RBFOX3: variants seen among roughly 807,000 people sequenced by gnomAD.
The protein encoded by RBFOX3 is RNA binding protein fox-1 homolog 3.
In RBFOX3, 17 loss-of-function variants were observed where a neutral mutation model predicts 48.7. That is an observed-to-expected ratio of 0.35 (90% CI 0.24 to 0.52). The LOEUF (loss-of-function observed/expected upper bound fraction) is 0.52, where lower values mean the gene tolerates loss of function less well. RBFOX3 is among the 20% of genes least tolerant of loss of function. RBFOX3 has a pLI of 0.94. For synonymous variants in RBFOX3, 212 were observed against 209.5 expected (o/e 1.01, Z -0.10); for missense variants, 382 against 497.5 (o/e 0.77, Z 2.21).
chr17:79,376,612 C>G (rs1417454786), intron 2 of RBFOX3, among the ~76,000 whole-genome samples: 1 of 152,198 alleles, frequency 6.6e-6, no homozygotes, highest in Non-Finnish European at 1.5e-5. Context: ...CCGGCCCAGC[C>G]CACTGCGTGT....
In RBFOX3 at chr17:79,097,404, T is replaced by C. The variant is rs2146313598; in HGVS notation, c.643A>G (p.Thr215Ala). ...CGGTAGGCAACGGCTGTGCCGGTGG[T>C]GGGGTAGGGGAACCCCGTCACTGCA... is the stretch of plus-strand genomic sequence containing the variant. ...FYAVTGFPYPTTGTAVAYRGA... is the reference protein window; with the variant it reads ...FYAVTGFPYPATGTAVAYRGA... Residue 215 changes from threonine to alanine, a missense_variant, in exon 11 of 15, where the codon ACC becomes GCC. Around this residue, in one of 3 missense-constraint regions of RBFOX3, gnomAD observed 215 missense variants for 254.8 expected, o/e 0.84. Transcript: ENST00000693108. 6.5e-7 allele frequency: 1 copy of C among 1,547,162 alleles called. No individual in the cohort carries two copies. Among genetic ancestry groups the C allele is most frequent in the Non-Finnish European group, 8.7e-7 (1 of 1,145,692 alleles).
At chr17:79,579,760 G>A (rs2092988038) in intron 1 of RBFOX3, among the ~76,000 whole-genome samples, 1 of 147,178 alleles carries the variant, frequency 6.8e-6, no homozygotes, top group East Asian at 2.1e-4. Context: ...GCGCCGTGGT[G>A]GGGGTGTCAC....
chr17:79,589,305 T>A (rs2093351108), intron 1 of RBFOX3, among the ~76,000 whole-genome samples: 1 of 7,572 alleles, frequency 1.3e-4, no homozygotes. Flanking sequence ...AGGGCTCTCC[T>A]TGGCTTTAGG....
chr17:79,095,712 C>A, intron 12 of RBFOX3, 138 bp from the exon 13 acceptor site: 2 of 723,132 alleles, frequency 2.8e-6, no homozygotes, highest in Non-Finnish European at 4.6e-6. Flanking sequence ...CTCCCAGCCT[C>A]GGCTGGGTAA....
Position 79,218,731 on chromosome 17 carries a change from A to C in RBFOX3, c.-34+17035T>G, listed in dbSNP as rs930447213. On this transcript the variant is annotated intron_variant, in intron 4 of 14. Coordinates refer to ENST00000693108, the MANE Select transcript of RBFOX3 (RefSeq NM_001350451.2). Reference sequence around the variant, plus strand: ...CAGGCTCAGGGAATGTCTTTGGGGAAGTGGTCGCTGAGGCTGGCCTTGAAG... The same window carrying C: ...CAGGCTCAGGGAATGTCTTTGGGGACGTGGTCGCTGAGGCTGGCCTTGAAG... Among the ~76,000 whole-genome samples the C allele has an allele frequency of 5.1e-4, 78 of 152,138 alleles. 1 individual carries two copies. The highest frequency in any genetic ancestry group is 1.5e-4 in the Non-Finnish European group (10 of 68,000).
chr17:79,253,377 GA>G (rs1249664000), intron 3 of RBFOX3, among the ~76,000 whole-genome samples: 7 of 152,106 alleles, frequency 4.6e-5, no homozygotes, highest in African/African-American at 1.7e-4. Context: ...CCGCCCAGAT[GA>G]AAAAAACCTC....
chr17:79,320,042 G>A (rs1414216764), intron 2 of RBFOX3, among the ~76,000 whole-genome samples: 1 of 152,164 alleles, frequency 6.6e-6, no homozygotes, highest in Non-Finnish European at 1.5e-5. Context: ...TCTATGTCTG[G>A]GCTGTTGGTC....
chr17:79,491,370 G>C (rs1476368622), intron 1 of RBFOX3, among the ~76,000 whole-genome samples: 1 of 151,992 alleles, frequency 6.6e-6, no homozygotes, highest in Non-Finnish European at 1.5e-5. Flanking sequence ...AGCCATTTGA[G>C]GAATTTTAAG....
At chr17:79,410,827 C>G (rs199569608) in intron 2 of RBFOX3, among the ~76,000 whole-genome samples, 6 of 152,148 alleles carry the variant, frequency 3.9e-5, no homozygotes, top group Non-Finnish European at 8.8e-5. Context: ...CAGGCTGCTC[C>G]GCTTGACTGC....
intron 1 of RBFOX3, among the ~76,000 whole-genome samples, chr17:79,515,245 C>A (rs1450025947): frequency 6.6e-6 from 1 of 152,202 alleles, no homozygotes; most frequent in Non-Finnish European, 1.5e-5. Flanking sequence ...CTGTGGCAAG[C>A]CTCCCACTGC....
chr17:79,511,217 G>T (rs1260843576), intron 1 of RBFOX3, among the ~76,000 whole-genome samples: 4 of 152,208 alleles, frequency 2.6e-5, no homozygotes, highest in Non-Finnish European at 5.9e-5. Context: ...CTCTCCCTGG[G>T]CCAGGAGGTG....
In RBFOX3 at chr17:79,252,325, C is replaced by T. The variant is rs1395129486; in HGVS notation, c.-73-16520G>A. Among the ~76,000 whole-genome samples the T allele has an allele frequency of 6.6e-6, 1 of 152,174 alleles. No homozygotes were observed. The highest frequency in any genetic ancestry group is 6.5e-5 in the Admixed American group (1 of 15,280). On this transcript the variant is annotated intron_variant, in intron 3 of 14. Coordinates refer to ENST00000693108, the MANE Select transcript of RBFOX3 (RefSeq NM_001350451.2). This position sits in a 1 kb window ranked among gnomAD's most constrained non-coding sequence, Gnocchi z 4.0. ...CTTGATGTCTCCCAGACTGCTCTGT[C>T]CCACATGGCTGAGGCTCAGGGTCTT...
chr17:79,555,581 T>A (rs1475615388), intron 1 of RBFOX3, among the ~76,000 whole-genome samples: 26 of 152,100 alleles, frequency 1.7e-4, no homozygotes, highest in African/African-American at 5.8e-4. Context: ...GTAGTGATGA[T>A]GATGATGACA....
rs201222706 is a variant in RBFOX3, at chr17:79,094,390, C to CA, written c.1077+60dup. ...GGCTCGGCCTCTCCCCCAAGGGCCT[C>CA]ACCACCCATGCCCAGCTGTTAGGAC... On this transcript the variant is annotated intron_variant, in intron 14 of 14. Transcript: ENST00000693108. 8,812 of 1,297,068 alleles carry CA rather than the reference C, an allele frequency of 6.8e-3. 50 individuals are homozygous for CA. Among genetic ancestry groups the CA allele is most frequent in the Non-Finnish European group, 6.7e-3 (6,459 of 961,506 alleles). 80.3% of individuals were successfully genotyped at this position (1,297,068 alleles called of 1,614,324 possible). A position where few individuals can be genotyped will look rare whatever the true frequency, so the allele number is the denominator to read the frequency against.
chr17:79,116,951 T>C (rs560300022), intron 4 of RBFOX3, among the ~76,000 whole-genome samples: 1 of 152,300 alleles, frequency 6.6e-6, no homozygotes, highest in East Asian at 1.9e-4. Flanking sequence ...CCTCCAGCAA[T>C]CTGCGTGCAC....
chr17:79,328,151 A>G (rs1057463036), intron 2 of RBFOX3, among the ~76,000 whole-genome samples: 7 of 152,196 alleles, frequency 4.6e-5, no homozygotes, highest in Non-Finnish European at 7.3e-5. Flanking sequence ...GGGTGCAAAC[A>G]CGGGCAGGAC....
At chr17:79,206,131 G>A (rs1483404721) in intron 4 of RBFOX3, among the ~76,000 whole-genome samples, 1 of 152,132 alleles carries the variant, frequency 6.6e-6, no homozygotes, top group Non-Finnish European at 1.5e-5. Context: ...AGCTTGCCAC[G>A]TCAATGAAAT....
At chr17:79,606,883 G>GA (rs1415268842) in intron 1 of RBFOX3, among the ~76,000 whole-genome samples, 6,099 of 152,160 alleles carry the variant, frequency 0.04, 192 homozygotes, top group East Asian at 0.21. Context: ...AGCACAGGAG[G>GA]AAAAAAGAGT....
At position 79,421,858 on chromosome 17, in the gene RBFOX3, C is replaced by T. The variant is rs1555722573; in HGVS notation, c.-175+60596G>A. ...TGCCGGAAGGCCCCGTGAGGGTGGCCCACGAGGCTCATGGGTTCCAGGAAC... is the reference window on the plus strand; with the variant it reads ...TGCCGGAAGGCCCCGTGAGGGTGGCTCACGAGGCTCATGGGTTCCAGGAAC... On this transcript the variant is annotated intron_variant, in intron 2 of 14. Transcript: ENST00000693108. This position sits in a 1 kb window ranked among gnomAD's most constrained non-coding sequence, Gnocchi z 4.5. Among the ~76,000 whole-genome samples, 1 of 152,028 alleles carries T rather than the reference C, an allele frequency of 6.6e-6. No homozygotes were observed. The highest frequency in any genetic ancestry group is 1.5e-5 in the Non-Finnish European group (1 of 68,000).
Sources: allele counts gnomAD v4.1 joint callset (sites outside exome capture counted in the v4.1 genomes callset), GRCh38; gene constraint gnomAD v4.1.1; regional missense constraint gnomAD v4.1.1; non-coding constraint Gnocchi (gnomAD v3.1); transcripts MANE v1.5; gene names NCBI Gene and HGNC (gene_info 2026-07-23, HGNC 2026-07-21).